Variants in PKNOX2 observed in about 807,000 individuals in gnomAD.
PKNOX2 encodes homeobox protein PKNOX2.
PKNOX2 carries 14 observed loss-of-function variants against 53.1 expected under a neutral mutation model. The observed-to-expected ratio is 0.26, with a 90% confidence interval of 0.17 to 0.41. PKNOX2 has a LOEUF of 0.41. PKNOX2 is among the 10% of genes least tolerant of loss of function. PKNOX2 has a pLI of 1.00. For synonymous variants in PKNOX2, 257 were observed against 242.8 expected (o/e 1.06, Z -0.54); for missense variants, 496 against 602.8 (o/e 0.82, Z 1.85).
At chr11:125,210,711 C>T (rs927592402) in intron 1 of PKNOX2, among the ~76,000 whole-genome samples, 1 of 152,116 alleles carries the variant, frequency 6.6e-6, no homozygotes, top group African/African-American at 2.4e-5. Flanking sequence ...GTTTCAGACA[C>T]ACCAAGACGA....
In PKNOX2 at chr11:125,370,558, C is replaced by G. The variant is rs1952469576; in HGVS notation, c.227+2573C>G. Among the ~76,000 whole-genome samples the G allele has an allele frequency of 6.6e-6, 1 of 152,228 alleles. No homozygotes were observed. On this transcript the variant is annotated intron_variant, in intron 5 of 12. Transcript: ENST00000298282. This position sits in a 1 kb window ranked among gnomAD's most constrained non-coding sequence, Gnocchi z 4.1. ...GCTGTCTGACCTGGAAGAGGGAATC[C>G]CAGGCAAACGCGGCTGCCCCAGCAC...
chr11:125,298,478 A>G (rs1947806046), intron 2 of PKNOX2, among the ~76,000 whole-genome samples: 1 of 152,118 alleles, frequency 6.6e-6, no homozygotes, highest in African/African-American at 2.4e-5. Context: ...CTAAAACTGG[A>G]CTGAGCTCCA....
intron 6 of PKNOX2, among the ~76,000 whole-genome samples, chr11:125,393,028 G>A (rs1392572434): frequency 1.3e-5 from 2 of 151,954 alleles, no homozygotes; most frequent in Admixed American, 6.6e-5. Context: ...AGCCCGGCGT[G>A]GTGGCGGGCG....
rs1951314848 is a variant in PKNOX2, at chr11:125,351,449, G to C, written c.87+57G>C. The C allele has an allele frequency of 5.2e-6, 6 of 1,144,804 alleles. No individual in the cohort carries two copies. The East Asian group carries it at 1.5e-4, about 28-fold the overall frequency. The allele number at this position is 1,144,804 out of a possible 1,614,324, so 70.9% of individuals were successfully genotyped here. A position where few individuals can be genotyped will look rare whatever the true frequency, so the allele number is the denominator to read the frequency against. ...CGGGGGAGGGAGTGTGGTGGCCTTA[G>C]AGCCCCAGCTGCAGGCTGGGACATT... On this transcript the variant is annotated intron_variant, in intron 4 of 12. Coordinates refer to ENST00000298282, the MANE Select transcript of PKNOX2 (RefSeq NM_001382323.2).
chr11:125,250,471 C>T (rs970212934), intron 2 of PKNOX2, among the ~76,000 whole-genome samples: 3 of 152,110 alleles, frequency 2.0e-5, no homozygotes, highest in Non-Finnish European at 2.9e-5. Context: ...AGCTCCGGTG[C>T]GCACAGCCTT....
intron 2 of PKNOX2, among the ~76,000 whole-genome samples, chr11:125,325,731 A>T (rs1457883040): frequency 2.0e-5 from 3 of 152,174 alleles, no homozygotes; most frequent in Non-Finnish European, 1.5e-5. Context: ...TATTGTAACC[A>T]TTTTACAGAA....
intron 1 of PKNOX2, among the ~76,000 whole-genome samples, chr11:125,231,097 A>G (rs1303669502): frequency 1.3e-5 from 2 of 152,208 alleles, no homozygotes; most frequent in African/African-American, 2.4e-5. Context: ...GCATACAGCG[A>G]TTAAAGTTCC....
chr11:125,407,384 C>T (rs961283057), intron 7 of PKNOX2, among the ~76,000 whole-genome samples: 1 of 152,208 alleles, frequency 6.6e-6, no homozygotes, highest in Non-Finnish European at 1.5e-5. Flanking sequence ...TCCCAAGGGA[C>T]ACATCTTGTA....
chr11:125,410,089 G>A, intron 7 of PKNOX2, 107 bp from the exon 8 acceptor site: 1 of 1,457,210 alleles, frequency 6.9e-7, no homozygotes, highest in Middle Eastern at 1.8e-4. Context: ...GAGCTAGAAG[G>A]AGGGAGGGGG....
At chr11:125,199,570 G>A (rs1938190583) in intron 1 of PKNOX2, among the ~76,000 whole-genome samples, 1 of 152,212 alleles carries the variant, frequency 6.6e-6, no homozygotes. Context: ...TTGGCCAGGT[G>A]CTGTGGCTCA....
At chr11:125,363,774 GAAT>G (rs1952044456) in intron 4 of PKNOX2, among the ~76,000 whole-genome samples, 2 of 151,294 alleles carry the variant, frequency 1.3e-5, no homozygotes, top group South Asian at 2.1e-4. Flanking sequence ...AGACCAAAAA[GAAT>G]GGAAGAAAGC....
intron 2 of PKNOX2, among the ~76,000 whole-genome samples, chr11:125,323,642 A>AG (rs1949656152): frequency 6.6e-6 from 1 of 152,204 alleles, no homozygotes; most frequent in Non-Finnish European, 1.5e-5. Flanking sequence ...GCGTTCCTTA[A>AG]TAACGAAAAT....
chr11:125,367,340 C>T (rs760480652), intron 4 of PKNOX2, among the ~76,000 whole-genome samples: 2 of 152,136 alleles, frequency 1.3e-5, no homozygotes, highest in Non-Finnish European at 2.9e-5. Context: ...GCCAGGTAAA[C>T]CAAATTTGGA....
chr11:125,418,935 G>A (rs1260894538), intron 10 of PKNOX2, among the ~76,000 whole-genome samples: 2 of 151,954 alleles, frequency 1.3e-5, no homozygotes, highest in African/African-American at 4.9e-5. Flanking sequence ...GATGTTTGTA[G>A]GTTATATGCA....
chr11:125,372,015 G>C (rs1023934856), intron 5 of PKNOX2, among the ~76,000 whole-genome samples: 1 of 152,150 alleles, frequency 6.6e-6, no homozygotes, highest in African/African-American at 2.4e-5. Context: ...CAGGGTCTGC[G>C]TCTGTCTTGC....
intron 4 of PKNOX2, among the ~76,000 whole-genome samples, chr11:125,365,363 AT>A (rs796505978): frequency 0.012 from 1,743 of 148,476 alleles, 40 homozygotes; most frequent in African/African-American, 0.038. Context: ...TTTAGGTTGG[AT>A]TTTTTTTTTT....
chr11:125,308,648 C>T (rs989761229), intron 2 of PKNOX2, among the ~76,000 whole-genome samples: 3 of 150,982 alleles, frequency 2.0e-5, no homozygotes, highest in Non-Finnish European at 4.4e-5. Flanking sequence ...TTCATAATAA[C>T]CAAGAGCTGG....
In PKNOX2 at chr11:125,393,175, AGAG is replaced by A. The variant is rs1312878397; in HGVS notation, c.400-4698_400-4696del. Among the ~76,000 whole-genome samples, 22 of 142,942 alleles carry A rather than the reference AGAG, an allele frequency of 1.5e-4. 1 individual carries two copies. Among genetic ancestry groups the A allele is most frequent in the Admixed American group, 1.4e-4 (2 of 14,680 alleles). 93.8% of individuals were successfully genotyped at this position (142,942 alleles called of 152,430 possible). On this transcript the variant is annotated intron_variant, in intron 6 of 12. Coordinates refer to ENST00000298282, the MANE Select transcript of PKNOX2 (RefSeq NM_001382323.2). ...ACTCGTCTCAAAAAAAAAAAAAAAA[AGAG>A]AGAAGAGAAAGTTAATTGAACAACT...
rs114659767 is a variant in PKNOX2, at chr11:125,314,469, C to T, written c.-129-17350C>T. Among the ~76,000 whole-genome samples, 717 of 152,274 alleles carry T rather than the reference C, an allele frequency of 4.7e-3. 2 individuals are homozygous for T. The highest frequency in any genetic ancestry group is 0.017 in the African/African-American group (688 of 41,552). ...GCGTCCAGATGGCCCGGCAGTTTCTCCTCCTGGGAGCATGCTGCTTCCCCG... is the reference window on the plus strand; with the variant it reads ...GCGTCCAGATGGCCCGGCAGTTTCTTCTCCTGGGAGCATGCTGCTTCCCCG... On this transcript the variant is annotated intron_variant, in intron 2 of 12. Transcript: ENST00000298282.
Sources: allele counts gnomAD v4.1 joint callset (sites outside exome capture counted in the v4.1 genomes callset), GRCh38; gene constraint gnomAD v4.1.1; non-coding constraint Gnocchi (gnomAD v3.1); transcripts MANE v1.5; gene names NCBI Gene and HGNC (gene_info 2026-07-23, HGNC 2026-07-21).